The following AGBL1 variants were observed in gnomAD, a reference collection of about 807,000 sequenced individuals.
AGBL1 encodes cytosolic carboxypeptidase 4.
A neutral mutation model predicts 118.9 loss-of-function variants in AGBL1; 130 were observed. That is an observed-to-expected ratio of 1.09 (90% CI 0.95 to 1.26). AGBL1 has a LOEUF of 1.26. AGBL1 is among the 50% of genes most tolerant of loss of function. The pLI is 0.00. For synonymous variants in AGBL1, 555 were observed against 478.9 expected (o/e 1.16, Z -2.08); for missense variants, 1,584 against 1,298.1 (o/e 1.22, Z -3.38).
intron 22 of AGBL1, among the ~76,000 whole-genome samples, chr15:86,749,559 T>C (rs1027635215): frequency 2.0e-5 from 3 of 151,916 alleles, no homozygotes; most frequent in African/African-American, 7.3e-5. Flanking sequence ...TGAATAGGAG[T>C]GGTGAGAGAG....
At chr15:86,230,543 C>T (rs555897260) in intron 6 of AGBL1, among the ~76,000 whole-genome samples, 5 of 152,254 alleles carry the variant, frequency 3.3e-5, no homozygotes, top group Middle Eastern at 3.4e-3. Context: ...CTCCTGGCTC[C>T]GGGCTCTGCC....
At chr15:86,675,229 T>TA (rs2085818172) in intron 22 of AGBL1, among the ~76,000 whole-genome samples, 1 of 152,096 alleles carries the variant, frequency 6.6e-6, no homozygotes, top group African/African-American at 2.4e-5. Flanking sequence ...TGTCTCCTGG[T>TA]AAATGAGGAG....
chr15:86,777,716 T>G (rs2078278753), intron 22 of AGBL1, among the ~76,000 whole-genome samples: 1 of 152,198 alleles, frequency 6.6e-6, no homozygotes. Flanking sequence ...TTGAATATGT[T>G]TCATCTTGAA....
At chr15:86,097,477 A>T (rs4887277) in intron 1 of AGBL1, among the ~76,000 whole-genome samples, 1 of 151,606 alleles carries the variant, frequency 6.6e-6, no homozygotes, top group African/African-American at 2.4e-5. Flanking sequence ...ATTGACTGCC[A>T]CACACCCTTC....
chr15:86,448,678 A>C (rs748436707), intron 18 of AGBL1, among the ~76,000 whole-genome samples: 2 of 143,624 alleles, frequency 1.4e-5, no homozygotes, highest in Admixed American at 7.0e-5. Flanking sequence ...TCTCTGATTG[A>C]ATGTGGGGGC....
chr15:86,539,783 A>G (rs183552424), intron 19 of AGBL1, among the ~76,000 whole-genome samples: 1 of 152,262 alleles, frequency 6.6e-6, no homozygotes, highest in African/African-American at 2.4e-5. Flanking sequence ...CACACTTCCA[A>G]GGTGCTGCTC....
intron 1 of AGBL1, among the ~76,000 whole-genome samples, chr15:86,114,205 T>C (rs1897614854): frequency 3.3e-5 from 5 of 152,232 alleles, no homozygotes; most frequent in Admixed American, 3.3e-4. Flanking sequence ...CATTTTCCCA[T>C]TTGAAATATT....
chr15:86,170,127 C>G (rs2077394384), intron 5 of AGBL1, among the ~76,000 whole-genome samples: 1 of 152,164 alleles, frequency 6.6e-6, no homozygotes, highest in Non-Finnish European at 1.5e-5. Context: ...GCTATTCTAA[C>G]TATATTTCAC....
At chr15:87,024,511 G>T (rs2081704776) in intron 24 of AGBL1, among the ~76,000 whole-genome samples, 1 of 151,734 alleles carries the variant, frequency 6.6e-6, no homozygotes, top group Non-Finnish European at 1.5e-5. Context: ...AACAAGTTCA[G>T]GACCAGACAG....
At chr15:86,177,603 G>T (rs961850278) in intron 5 of AGBL1, among the ~76,000 whole-genome samples, 10 of 152,102 alleles carry the variant, frequency 6.6e-5, no homozygotes, top group African/African-American at 2.4e-4. Flanking sequence ...TATGTTCTAT[G>T]ACCACAAGGA....
At chr15:86,898,129 A>C (rs1359293953) in intron 22 of AGBL1, among the ~76,000 whole-genome samples, 1 of 152,190 alleles carries the variant, frequency 6.6e-6, no homozygotes, top group Non-Finnish European at 1.5e-5. Context: ...TGCACAAAAT[A>C]GCAGGAAAAA....
intron 21 of AGBL1, among the ~76,000 whole-genome samples, chr15:86,629,004 T>C (rs1259016760): frequency 6.6e-6 from 1 of 152,144 alleles, no homozygotes; most frequent in Non-Finnish European, 1.5e-5. Flanking sequence ...TGAGAACACT[T>C]AAGATCTGGT....
intron 22 of AGBL1, among the ~76,000 whole-genome samples, chr15:86,783,919 C>A (rs1645984683): frequency 6.6e-6 from 1 of 152,206 alleles, no homozygotes; most frequent in Non-Finnish European, 1.5e-5. Flanking sequence ...GCGTGAGCCA[C>A]CATGCCTTGC....
chr15:86,196,873 GCGCGCGCA>G (rs2077816656), intron 5 of AGBL1, among the ~76,000 whole-genome samples: 5 of 89,000 alleles, frequency 5.6e-5, no homozygotes, highest in Admixed American at 2.4e-4. Context: ...ACATGTGCGC[GCGCGCGCA>G]CACACACACA....
intron 22 of AGBL1, among the ~76,000 whole-genome samples, chr15:86,729,032 T>A (rs891030392): frequency 6.6e-6 from 1 of 152,210 alleles, no homozygotes; most frequent in African/African-American, 2.4e-5. Flanking sequence ...AACAAAACTC[T>A]ACAGTTTTTA....
chr15:86,138,967 T>C (rs1186941225), intron 1 of AGBL1, among the ~76,000 whole-genome samples: 2 of 152,292 alleles, frequency 1.3e-5, no homozygotes, highest in East Asian at 3.9e-4. Context: ...TTCCCCCAAA[T>C]AATAGATCAG....
At chr15:86,107,301 T>A (rs1377807497) in intron 1 of AGBL1, among the ~76,000 whole-genome samples, 1 of 152,246 alleles carries the variant, frequency 6.6e-6, no homozygotes, top group Non-Finnish European at 1.5e-5. Context: ...TTAATTTTCA[T>A]ATGTAGTGGC....
downstream of AGBL1, among the ~76,000 whole-genome samples, chr15:86,917,461 G>A (rs932098223): frequency 2.0e-5 from 3 of 152,134 alleles, no homozygotes; most frequent in African/African-American, 7.2e-5. The surrounding 1 kb of genome is among the most constrained non-coding windows in gnomAD (Gnocchi z 4.8). Flanking sequence ...TAGGGAAAGG[G>A]AGCTCATTAT....
At chr15:86,262,718 T>G (rs552684441) in intron 9 of AGBL1, 60 bp from the exon 10 acceptor site, 2 of 1,163,686 alleles carry the variant, frequency 1.7e-6, no homozygotes, top group South Asian at 2.6e-5. Flanking sequence ...ATATCATGTC[T>G]TGATGCTTCT....
Sources: gnomAD v4.1 joint callset for allele counts (sites outside exome capture counted in the v4.1 genomes callset) on GRCh38, gnomAD v4.1.1 for gene constraint, Gnocchi (gnomAD v3.1) non-coding constraint, MANE v1.5 for transcripts, NCBI Gene and HGNC (gene_info 2026-07-23, HGNC 2026-07-21) for gene names.